GRIPAP1: variants seen among roughly 807,000 people sequenced by gnomAD.
The protein encoded by GRIPAP1 is GRIP1 associated protein 1, also known as GRIP1-associated protein 1.
Under a neutral mutation model 84.1 loss-of-function variants are expected in GRIPAP1, and 14 were observed. The observed-to-expected ratio is 0.17, with a 90% CI of 0.11 to 0.26. The LOEUF is 0.26. Among genes scored for constraint, GRIPAP1 ranks in the 10% least tolerant of loss-of-function variants. The probability of loss-of-function intolerance (pLI) is 1.00; values close to 1 mark genes in which losing one functional copy is unlikely to be tolerated. For synonymous variants in GRIPAP1, 261 were observed against 256.8 expected (o/e 1.02, Z -0.15); for missense variants, 518 against 674.2 (o/e 0.77, Z 2.57).
At chrX:48,991,135 G>A in intron 6 of GRIPAP1, 25 bp from the exon 7 acceptor site, 1 of 1,076,185 alleles carries the variant, frequency 9.3e-7, no homozygotes, top group African/African-American at 1.8e-5. Context: ...AGGGATATAT[G>A]ATGGATGAGG....
In GRIPAP1 at chrX:48,987,861, G is replaced by C; in HGVS notation, c.965C>G (p.Ala322Gly). The change falls in exon 13 of 26, where the codon GCA (alanine) becomes GGA (glycine). Residue 322 changes from alanine (A) to glycine (G), a missense_variant. Around this residue, in one of 5 missense-constraint regions of GRIPAP1, gnomAD observed 372 missense variants for 458.1 expected, o/e 0.81. Coordinates refer to ENST00000376423, the MANE Select transcript of GRIPAP1 (RefSeq NM_020137.5). ...ALQDQVSIQS[A>G]DAQEQVEGLL... ...CCCTTCCACTTGTTCCTGTGCATCT[G>C]CACTCTGGATGGATACCTGGCCCCA... 2 of 1,199,525 alleles carry C rather than the reference G, an allele frequency of 1.7e-6. No homozygotes were observed. The highest frequency in any genetic ancestry group is 2.3e-6 in the Non-Finnish European group (2 of 886,649).
At chrX:48,993,111 C>T (rs1034682412) in intron 6 of GRIPAP1, among the ~76,000 whole-genome samples, 6 of 112,354 alleles carry the variant, frequency 5.3e-5, no homozygotes, top group African/African-American at 1.6e-4. Context: ...TGAGCCACCG[C>T]GCCCGGCCGC....
intron 1 of GRIPAP1, 85 bp downstream of exon 1, chrX:49,002,103 C>G: frequency 1.7e-6 from 1 of 592,693 alleles, no homozygotes; most frequent in Non-Finnish European, 2.8e-6. Context: ...TCCCAACCAA[C>G]CCCTTCTCAG....
At chrX:48,981,954 GC>G in intron 17 of GRIPAP1, 82 bp from the exon 18 acceptor site, 1 of 663,518 alleles carries the variant, frequency 1.5e-6, no homozygotes, top group Non-Finnish European at 2.3e-6. Context: ...TGCAATGGGG[GC>G]CCAGAGGTAT....
At chrX:48,979,249 G>A (rs1331429769) in intron 21 of GRIPAP1, among the ~76,000 whole-genome samples, 1 of 108,716 alleles carries the variant, frequency 9.2e-6, no homozygotes, top group Non-Finnish European at 1.9e-5. Context: ...AGGCCGAGGC[G>A]GGCAGATCAC....
At chrX:49,002,090 C>T in intron 1 of GRIPAP1, 98 bp downstream of exon 1, 1 of 524,249 alleles carries the variant, frequency 1.9e-6, no homozygotes, top group Non-Finnish European at 3.3e-6. Flanking sequence ...AACTCAGGGT[C>T]CATCCCAACC....
At position 48,983,292 on chromosome X, in the gene GRIPAP1, C is replaced by T. The variant is rs782551758; in HGVS notation, c.1421G>A (p.Arg474Gln). The T allele has an allele frequency of 4.1e-6, 5 of 1,211,170 alleles. No individual in the cohort carries two copies. The South Asian group carries it at 7.0e-5, about 17-fold the overall frequency. Residue 474 changes from arginine to glutamine, a missense_variant, in exon 16 of 26, where the codon CGA becomes CAA. This residue lies in a region of GRIPAP1 where 372 missense variants were observed against 458.1 expected (regional missense o/e 0.81). Coordinates refer to ENST00000376423, the MANE Select transcript of GRIPAP1 (RefSeq NM_020137.5). ...ACGCTTCTTGTCTTCATGCAGCTCTCGGAGCTCACGCTCATAGCGGGCACG... is the reference window on the plus strand; with the variant it reads ...ACGCTTCTTGTCTTCATGCAGCTCTTGGAGCTCACGCTCATAGCGGGCACG... ...GVRARYEREL[R>Q]ELHEDKKRQE...
intron 6 of GRIPAP1, among the ~76,000 whole-genome samples, chrX:48,992,794 A>T (rs1602476658): frequency 9.5e-6 from 1 of 105,689 alleles, no homozygotes; most frequent in South Asian, 4.0e-4. Flanking sequence ...TCTTCCCAAC[A>T]CTCCATTCAC....
intron 25 of GRIPAP1, 22 bp downstream of exon 25, chrX:48,975,133 T>A (rs1310838559): frequency 1.0e-5 from 12 of 1,196,196 alleles, no homozygotes; most frequent in Non-Finnish European, 1.4e-5. Context: ...AACAGATGGG[T>A]AGGCTGGCAG....
intron 5 of GRIPAP1, among the ~76,000 whole-genome samples, chrX:48,993,948 C>A (rs1462004167): frequency 9.0e-6 from 1 of 111,138 alleles, no homozygotes; most frequent in Non-Finnish European, 1.9e-5. Context: ...GGGCTGGATC[C>A]TGGGCCCAGA....
At chrX:48,983,546 TC>T in intron 15 of GRIPAP1, 106 bp from the exon 16 acceptor site, 1 of 656,426 alleles carries the variant, frequency 1.5e-6, no homozygotes. Flanking sequence ...CTCCCTCCCA[TC>T]CCCACTGAAC....
chrX:48,975,390 AC>A, intron 24 of GRIPAP1, 81 bp from the exon 25 acceptor site: 1 of 978,534 alleles, frequency 1.0e-6, no homozygotes, highest in Middle Eastern at 3.2e-4. Flanking sequence ...AAAGAGGGAG[AC>A]GAATACCAGG....
At position 48,974,194 on chromosome X, in the gene GRIPAP1, T is replaced by C. The variant is rs3027479; in HGVS notation, c.2525A>G (p.Ter842=). The C allele has an allele frequency of 2.9e-3, 3,433 of 1,182,444 alleles. 8 individuals are homozygous for C. The highest frequency in any genetic ancestry group is 3.1e-3 in the Non-Finnish European group (2,658 of 870,837). Residue 842 remains the stop codon, a stop_retained_variant, in exon 26 of 26, where the codon TAA becomes TGA. Coordinates refer to ENST00000376423, the MANE Select transcript of GRIPAP1 (RefSeq NM_020137.5). ...DPDLEPGETS[*] ...GAGGTGGGTGCAGCCTGCAGGTCTTTAGCTGGTTTCTCCTGGCTCTAGGTC... is the reference window on the plus strand; with the variant it reads ...GAGGTGGGTGCAGCCTGCAGGTCTTCAGCTGGTTTCTCCTGGCTCTAGGTC...
chrX:48,981,672 T>C lies in GRIPAP1; in HGVS notation c.1697A>G (p.Gln566Arg). The C allele has an allele frequency of 8.3e-7, 1 of 1,208,231 alleles. No homozygotes were observed. Among genetic ancestry groups the C allele is most frequent in the Non-Finnish European group, 1.1e-6 (1 of 891,986 alleles). ...AELKGKEEEL[Q>R]DVRDQLEQAQ... The stretch of plus-strand genomic sequence containing the variant: ...CTGCTCGAGCTGATCCCGTACATCC[T>C]GTAGCTCCTCCTCCTTGCCCTGCAA... The change falls in exon 19 of 26, where the codon CAG becomes CGG. Residue 566 changes from glutamine (Q) to arginine (R), a missense_variant. Gln to Arg is a conservative substitution (Grantham distance 43). Around this residue, in one of 5 missense-constraint regions of GRIPAP1, gnomAD observed 372 missense variants for 458.1 expected, o/e 0.81. Coordinates refer to ENST00000376423, the MANE Select transcript of GRIPAP1 (RefSeq NM_020137.5).
chrX:48,997,790 G>A (rs980199563), intron 4 of GRIPAP1, among the ~76,000 whole-genome samples: 11 of 107,780 alleles, frequency 1.0e-4, no homozygotes, highest in African/African-American at 3.7e-4. Flanking sequence ...AGAGGAATGG[G>A]GTGGAAGAAA....
intron 8 of GRIPAP1, 76 bp downstream of exon 8, chrX:48,990,609 G>A: frequency 1.2e-6 from 1 of 852,988 alleles, no homozygotes; most frequent in South Asian, 2.2e-5. Flanking sequence ...TGCCCCTTCT[G>A]CCCTAGGATT....
intron 22 of GRIPAP1, 53 bp from the exon 23 acceptor site, chrX:48,976,416 C>T: frequency 8.6e-7 from 1 of 1,160,845 alleles, no homozygotes; most frequent in South Asian, 2.0e-5. Context: ...CCACCGACCC[C>T]AGACAGGTGT....
chrX:48,993,115 C>T (rs28645795), intron 6 of GRIPAP1, among the ~76,000 whole-genome samples: 4,314 of 112,722 alleles, frequency 0.038, 202 homozygotes, highest in African/African-American at 0.13. Flanking sequence ...CCACCGCGCC[C>T]GGCCGCAAAT....
chrX:48,982,974 C>T lies in GRIPAP1; in HGVS notation c.1599+5G>A. ...TCTGTTCCTCACCAGGCATCACCAACTCACCTCGGCTTCCTTCAAGCGCCG... is the reference window on the plus strand; with the variant it reads ...TCTGTTCCTCACCAGGCATCACCAATTCACCTCGGCTTCCTTCAAGCGCCG... On this transcript the variant is annotated splice_donor_5th_base_variant and intron_variant, in intron 17 of 25. Transcript: ENST00000376423. 8.7e-7 allele frequency: 1 copy of T among 1,155,065 alleles called. No homozygotes were observed. Among genetic ancestry groups the T allele is most frequent in the Non-Finnish European group, 1.2e-6 (1 of 843,703 alleles).
Sources: gnomAD v4.1 joint callset for allele counts (sites outside exome capture counted in the v4.1 genomes callset) on GRCh38, gnomAD v4.1.1 for gene constraint, gnomAD v4.1.1 regional missense constraint, MANE v1.5 for transcripts, NCBI Gene and HGNC (gene_info 2026-07-23, HGNC 2026-07-21) for gene names.